Variants in DGKK observed in about 807,000 individuals in gnomAD.
DGKK encodes diacylglycerol kinase kappa, also known as 142 kDa diacylglycerol kinase.
Under a neutral mutation model 92.2 loss-of-function variants are expected in DGKK, and 35 were observed. That is an observed-to-expected ratio of 0.38 (90% CI 0.29 to 0.50). DGKK has a LOEUF of 0.50. Among genes scored for constraint, DGKK ranks in the 20% least tolerant of loss-of-function variants. DGKK has a pLI of 0.92. For missense variants in DGKK, 910 were observed against 992.2 expected (o/e 0.92, Z 1.11); for synonymous variants, 368 against 360.6 (o/e 1.02, Z -0.23).
intron 4 of DGKK, among the ~76,000 whole-genome samples, chrX:50,414,867 A>T (rs1447763068): frequency 8.9e-6 from 1 of 111,912 alleles, no homozygotes; most frequent in Non-Finnish European, 1.9e-5. Context: ...ACTAAAGGAA[A>T]TTGAGAAAAT....
chrX:50,372,219 C>A (rs2147116068), intron 25 of DGKK, among the ~76,000 whole-genome samples: 1 of 112,199 alleles, frequency 8.9e-6, no homozygotes, highest in South Asian at 3.7e-4. Context: ...ATGCCAAGCA[C>A]TGTACATACA....
intron 1 of DGKK, among the ~76,000 whole-genome samples, chrX:50,447,328 A>ATATATATATATAT (rs1926337810): frequency 2.6e-4 from 5 of 19,296 alleles, no homozygotes; most frequent in South Asian, 2.7e-3. Context: ...GTGTGTATGT[A>ATATATATATATAT]TATATATATA....
chrX:50,408,538 C>A (rs1214323444), intron 4 of DGKK, among the ~76,000 whole-genome samples: 4 of 110,293 alleles, frequency 3.6e-5, no homozygotes, highest in Non-Finnish European at 5.7e-5. Context: ...GCCACCACGC[C>A]CGGCTAATTT....
intron 1 of DGKK, among the ~76,000 whole-genome samples, chrX:50,431,558 T>A (rs781848451): frequency 4.5e-5 from 5 of 111,086 alleles, no homozygotes; most frequent in Admixed American, 1.9e-4. Context: ...CATTCCCAGG[T>A]GAGAACTGAA....
chrX:50,466,010 CTTTTTT>C (rs1926893807), intron 1 of DGKK, among the ~76,000 whole-genome samples: 10 of 58,326 alleles, frequency 1.7e-4, no homozygotes, highest in African/African-American at 6.9e-4. Context: ...TTTTCTTTTT[CTTTTTT>C]CTTTTTTTTT....
rs782319673 is a variant in DGKK at position 50,392,368 on chromosome X, C to T, written c.1677G>A (p.Leu559=). Residue 559 remains leucine, a synonymous_variant, in exon 10 of 28, where the codon CTG becomes CTA. Transcript: ENST00000611977. ...GDGSVSWVLS[L]IDAFGLHEKC... ...TTTCATGTAATCCAAAGGCATCAATCAGAGATAAGACCCAGCTCACGCTGC... is the reference window on the plus strand; with the variant it reads ...TTTCATGTAATCCAAAGGCATCAATTAGAGATAAGACCCAGCTCACGCTGC... 1 of 1,210,268 alleles carries T rather than the reference C, an allele frequency of 8.3e-7. No homozygotes were observed. The highest frequency in any genetic ancestry group is 1.1e-6 in the Non-Finnish European group (1 of 893,869).
chrX:50,412,306 A>T (rs1557228047), intron 4 of DGKK, among the ~76,000 whole-genome samples: 1 of 112,452 alleles, frequency 8.9e-6, no homozygotes, highest in Admixed American at 9.4e-5. Flanking sequence ...TAAAAAATGG[A>T]AGAAAACACA....
At position 50,387,546 on chromosome X, in the gene DGKK, G is replaced by A. The variant is rs7883609; in HGVS notation, c.2118+8C>T. 0.25 allele frequency: 290,511 copies of A among 1,182,573 alleles called. 26,745 individuals are homozygous for A. Among genetic ancestry groups the A allele is most frequent in the Admixed American group, 0.42 (19,000 of 44,990 alleles). ...AAAGAGTATAAGACAAAAGGAATGGGAACTTACTTTCAAAATCACAGACAC... is the reference window on the plus strand; with the variant it reads ...AAAGAGTATAAGACAAAAGGAATGGAAACTTACTTTCAAAATCACAGACAC... On this transcript the variant is annotated splice_region_variant and intron_variant, in intron 14 of 27. Transcript: ENST00000611977.
chrX:50,390,066 A>G (rs1289524053), intron 12 of DGKK, among the ~76,000 whole-genome samples: 2 of 112,442 alleles, frequency 1.8e-5, no homozygotes, highest in African/African-American at 6.5e-5. Flanking sequence ...ACCCAGTAGC[A>G]TATAAGAACA....
intron 23 of DGKK, among the ~76,000 whole-genome samples, chrX:50,376,539 A>G: frequency 8.9e-6 from 1 of 111,953 alleles, no homozygotes; most frequent in East Asian, 2.8e-4. Context: ...AGAGATCCAA[A>G]TTAATCCCTG....
Position 50,388,595 on chromosome X carries a change from T to C in DGKK, c.1950A>G (p.Glu650=). The C allele has an allele frequency of 8.3e-7, 1 of 1,206,443 alleles. No homozygotes were observed. Among genetic ancestry groups the C allele is most frequent in the African/African-American group, 1.7e-5 (1 of 57,494 alleles). ...RFEAAAIQHL[E]SAATELNKIL... is the part of the protein sequence containing the mutation. ...TTTTGTTCAACTCGGTGGCTGCAGATTCTAAGTGTTGGATGGCAGCAGCCT... is the reference window on the plus strand; with the variant it reads ...TTTTGTTCAACTCGGTGGCTGCAGACTCTAAGTGTTGGATGGCAGCAGCCT... Residue 650 remains glutamate, a synonymous_variant, in exon 13 of 28, where the codon GAA becomes GAG. Coordinates refer to ENST00000611977, the MANE Select transcript of DGKK (RefSeq NM_001013742.4).
intron 1 of DGKK, among the ~76,000 whole-genome samples, chrX:50,426,205 A>G (rs1308166698): frequency 9.0e-6 from 1 of 111,635 alleles, no homozygotes; most frequent in African/African-American, 3.3e-5. Context: ...AGCTCATTTT[A>G]CAGTTTTTGG....
At chrX:50,369,520 CTCCT>C (rs782604067) in intron 27 of DGKK, among the ~76,000 whole-genome samples, 23 of 102,879 alleles carry the variant, frequency 2.2e-4, no homozygotes, top group African/African-American at 3.2e-4. Flanking sequence ...TTTTTTCTCC[CTCCT>C]TCCTTCCTTC....
intron 8 of DGKK, among the ~76,000 whole-genome samples, chrX:50,397,853 T>C (rs17003345): frequency 0.077 from 8,582 of 111,166 alleles, 670 homozygotes; most frequent in African/African-American, 0.24. Context: ...GGGTGGAAGA[T>C]GGACACCATT....
intron 4 of DGKK, among the ~76,000 whole-genome samples, chrX:50,417,463 G>C (rs1557228673): frequency 9.1e-6 from 1 of 110,327 alleles, no homozygotes; most frequent in East Asian, 2.9e-4. Context: ...TGTTTCCACG[G>C]TCAATGATTC....
At position 50,379,643 on chromosome X, in the gene DGKK, C is replaced by T; in HGVS notation, c.2846G>A (p.Ser949Asn). Residue 949 changes from serine (S) to asparagine (N), a missense_variant, in exon 20 of 28, where the codon AGC (serine) becomes AAC (asparagine). Coordinates refer to ENST00000611977, the MANE Select transcript of DGKK (RefSeq NM_001013742.4). ...CATACTAACCGTGGTTGCTGTGTTG[C>T]TTCCCCAGAAGTTGATACCTCCAGC... ...SYAGGINFWGSNTATTEYEAP... is the reference protein window; with the variant it reads ...SYAGGINFWGNNTATTEYEAP... 1 of 1,210,323 alleles carries T rather than the reference C, an allele frequency of 8.3e-7. No individual in the cohort carries two copies. The highest frequency in any genetic ancestry group is 1.8e-5 in the South Asian group (1 of 56,937).
At chrX:50,438,118 C>T (rs1360522599) in intron 1 of DGKK, among the ~76,000 whole-genome samples, 1 of 110,459 alleles carries the variant, frequency 9.1e-6, no homozygotes, top group African/African-American at 3.3e-5. Flanking sequence ...AGGGAAGGAG[C>T]AAGGGAGATG....
At chrX:50,393,123 C>G in intron 9 of DGKK, 29 bp downstream of exon 9, 1 of 1,146,583 alleles carries the variant, frequency 8.7e-7, no homozygotes, top group Non-Finnish European at 1.2e-6. Context: ...CCTTACATAC[C>G]CAATCATATC....
At chrX:50,391,630 C>G in intron 10 of DGKK, 54 bp from the exon 11 acceptor site, 1 of 1,171,976 alleles carries the variant, frequency 8.5e-7, no homozygotes, top group Non-Finnish European at 1.2e-6. Flanking sequence ...CCAAGCTTCA[C>G]CCATGAAGGA....
Sources: gnomAD v4.1 joint callset for allele counts (sites outside exome capture counted in the v4.1 genomes callset) on GRCh38, gnomAD v4.1.1 for gene constraint, MANE v1.5 for transcripts, NCBI Gene and HGNC (gene_info 2026-07-23, HGNC 2026-07-21) for gene names.